The following PRSS56 variants were observed in gnomAD, a reference collection of about 807,000 sequenced individuals.
The protein encoded by PRSS56 is protease, serine 56.
Under a neutral mutation model 66.8 loss-of-function variants are expected in PRSS56, and 55 were observed. That is an observed-to-expected ratio of 0.82 (90% CI 0.66 to 1.03). The LOEUF (loss-of-function observed/expected upper bound fraction) is 1.03, where lower values mean the gene tolerates loss of function less well. Ranked by LOEUF, PRSS56 falls within the 50% of genes least tolerant of loss-of-function variation. The probability of loss-of-function intolerance (pLI) is 0.00; values close to 1 mark genes in which losing one functional copy is unlikely to be tolerated. For synonymous variants in PRSS56, 409 were observed against 387.9 expected (o/e 1.05, Z -0.64); for missense variants, 869 against 837.2 (o/e 1.04, Z -0.47).
chr2:232,521,714 C>T lies in PRSS56; in HGVS notation c.206-102C>T, dbSNP rs1227179487. The stretch of plus-strand genomic sequence containing the variant: ...AATAGAACCCGTGTGGGCTGGAGGG[C>T]TGAGCGCGAAAGGAGAGATGGGGAG... On this transcript the variant is annotated intron_variant, in intron 2 of 12. Coordinates refer to ENST00000617714, the MANE Select transcript of PRSS56 (RefSeq NM_001195129.2). 6 of 1,191,550 alleles carry T rather than the reference C, an allele frequency of 5.0e-6. No individual in the cohort carries two copies. The African/African-American group carries it at 7.6e-5, about 15-fold the overall frequency. The allele number at this position is 1,191,550 out of a possible 1,614,324, so 73.8% of individuals were successfully genotyped here.
At chr2:232,524,942 G>A in intron 12 of PRSS56, 98 bp downstream of exon 12, 1 of 1,053,174 alleles carries the variant, frequency 9.5e-7, no homozygotes, top group East Asian at 2.6e-5. Flanking sequence ...TACCCTCCCA[G>A]CAGCCTGGGG....
rs1691350485 is a variant in PRSS56 at position 232,524,168 on chromosome 2, C to T, written c.1316C>T (p.Pro439Leu). The stretch of plus-strand genomic sequence containing the variant: ...CCCGCTCCAGCGCTCAGGGAGTCTC[C>T]TCTGCACCCCGCCCGGGAGCTGCGG... ...ALPAPALRES[P>L]LHPARELRLH... The change falls in exon 10 of 13, where the codon CCT becomes CTT. Residue 439 changes from proline (P) to leucine (L), a missense_variant. By Grantham distance (98) the Pro-to-Leu change is moderately conservative. Transcript: ENST00000617714. The T allele has an allele frequency of 2.6e-6, 4 of 1,528,112 alleles. No individual in the cohort carries two copies. The highest frequency in any genetic ancestry group is 3.5e-6 in the Non-Finnish European group (4 of 1,142,826). The allele number at this position is 1,528,112 out of a possible 1,614,324, so 94.7% of individuals were successfully genotyped here. A position where few individuals can be genotyped will look rare whatever the true frequency, so the allele number is the denominator to read the frequency against.
chr2:232,523,329 C>T, intron 7 of PRSS56, 87 bp from the exon 8 acceptor site: 1 of 1,423,052 alleles, frequency 7.0e-7, no homozygotes, highest in Non-Finnish European at 9.2e-7. Flanking sequence ...CTAAAATGGA[C>T]ACAAGTGGCA....
Position 232,522,873 on chromosome 2 carries a change from G to C in PRSS56, c.706+12G>C, listed in dbSNP as rs889757875. On this transcript the variant is annotated intron_variant, in intron 6 of 12. Coordinates refer to ENST00000617714, the MANE Select transcript of PRSS56 (RefSeq NM_001195129.2). Reference sequence around the variant, plus strand: ...CGCCCTCTTCGAAGGTACTGGGCGTGGGTGAGCCGGCGCGTGGTGGGAAGA... The same window carrying C: ...CGCCCTCTTCGAAGGTACTGGGCGTCGGTGAGCCGGCGCGTGGTGGGAAGA... 2.8e-5 allele frequency: 41 copies of C among 1,452,156 alleles called. 1 individual carries two copies. Among genetic ancestry groups the C allele is most frequent in the Non-Finnish European group, 3.4e-5 (38 of 1,103,662 alleles). The allele number at this position is 1,452,156 out of a possible 1,614,324, so 90.0% of individuals were successfully genotyped here.
In PRSS56 at chr2:232,524,787, G is replaced by C. The variant is rs774771063; in HGVS notation, c.1464G>C (p.Gly488=). The C allele has an allele frequency of 8.5e-6, 13 of 1,534,284 alleles. No individual in the cohort carries two copies. In the South Asian group the frequency reaches 1.5e-4, roughly 18 times the overall value. ...PLRQKLAALQ[G]AHAWILQVPS... ...GACAGAAGTTGGCTGCCCTGCAGGG[G>C]GCCCATGCCTGGATCCTGCAGGTCC... Residue 488 remains glycine (G), a synonymous_variant, in exon 12 of 13, where the codon GGG becomes GGC. Transcript: ENST00000617714.
At position 232,524,057 on chromosome 2, in the gene PRSS56, A is replaced by T; in HGVS notation, c.1205A>T (p.His402Leu). Residue 402 changes from histidine to leucine, a missense_variant, in exon 10 of 13, where the codon CAC becomes CTC. By Grantham distance (99) the His-to-Leu change is moderately conservative. This residue lies in a region of PRSS56 where 551 missense variants were observed against 506.9 expected (regional missense o/e 1.09). Transcript: ENST00000617714. The part of the protein sequence containing the change: ...RRRCELRSLA[H>L]TLLGLLRNAQ... ...TCCGCAGAGCTGCGCTCGCTGGCGCACACGCTGCTGGGCCTGCTGCGGAAC... is the reference window on the plus strand; with the variant it reads ...TCCGCAGAGCTGCGCTCGCTGGCGCTCACGCTGCTGGGCCTGCTGCGGAAC... 1.3e-6 allele frequency: 2 copies of T among 1,524,570 alleles called. No homozygotes were observed. Among genetic ancestry groups the T allele is most frequent in the South Asian group, 1.2e-5 (1 of 83,208 alleles). The allele number at this position is 1,524,570 out of a possible 1,614,324, so 94.4% of individuals were successfully genotyped here.
intron 2 of PRSS56, 67 bp from the exon 3 acceptor site, chr2:232,521,749 C>G (rs1322057494): frequency 6.8e-7 from 1 of 1,466,320 alleles, no homozygotes. Context: ...GAGAGAGGCT[C>G]GGCCCAGCCT....
At chr2:232,522,296 C>A (rs926182368) in intron 4 of PRSS56, 136 bp downstream of exon 4, 1 of 954,484 alleles carries the variant, frequency 1.0e-6, no homozygotes, top group Non-Finnish European at 1.4e-6. Context: ...CGGGCTTCCC[C>A]ATCTCAAGGC....
chr2:232,525,280 T>C lies in PRSS56; in HGVS notation c.1586T>C (p.Leu529Ser), dbSNP rs996747702. ...TTCAGAGCCTGGGTGCGGGCAGGCT[T>C]GGGGGGCCGGCATGTGGCCTTCAGC... is the stretch of plus-strand genomic sequence containing the variant. ...GLFRAWVRAG[L>S]GGRHVAFSGL... Residue 529 changes from leucine to serine, a missense_variant, in exon 13 of 13, where the codon TTG becomes TCG. Physicochemically the swap from Leu to Ser is moderately radical, Grantham distance 145. Transcript: ENST00000617714. 2.6e-6 allele frequency: 4 copies of C among 1,521,958 alleles called. No homozygotes were observed. The highest frequency in any genetic ancestry group is 4.9e-5 in the East Asian group (2 of 40,586). 94.3% of individuals were successfully genotyped at this position (1,521,958 alleles called of 1,614,324 possible). A position where few individuals can be genotyped will look rare whatever the true frequency, so the allele number is the denominator to read the frequency against.
chr2:232,521,276 G>A (rs1282213261), intron 1 of PRSS56, 45 bp from the exon 2 acceptor site: 7 of 1,437,404 alleles, frequency 4.9e-6, no homozygotes. Flanking sequence ...TGAGGCTGAG[G>A]CTCTTCCCCA....
In PRSS56 at chr2:232,521,409, C is replaced by A; in HGVS notation, c.186C>A (p.His62Gln). Residue 62 changes from histidine (H) to glutamine (Q), a missense_variant, in exon 2 of 13, where the codon CAC (histidine) becomes CAA (glutamine). His to Gln is a conservative substitution (Grantham distance 24). Around this residue, in one of 3 missense-constraint regions of PRSS56, gnomAD observed 315 missense variants for 313.7 expected, o/e 1.00. Transcript: ENST00000617714. ...AINRVAMEIQ[H>Q]RSHECRGSGR... ...ACCGAGTGGCGATGGAGATCCAGCA[C>A]AGATCGCACGAGTGCCGAGGTGCCC... 1 of 1,536,108 alleles carries A rather than the reference C, an allele frequency of 6.5e-7. No individual in the cohort carries two copies. The highest frequency in any genetic ancestry group is 8.7e-7 in the Non-Finnish European group (1 of 1,146,860).
Position 232,525,647 on chromosome 2 carries a change from C to A in PRSS56, c.*141C>A. 1 of 595,488 alleles carries A rather than the reference C, an allele frequency of 1.7e-6. No individual in the cohort carries two copies. The highest frequency in any genetic ancestry group is 2.7e-6 in the Non-Finnish European group (1 of 365,216). 36.9% of individuals were successfully genotyped at this position (595,488 alleles called of 1,614,324 possible). On this transcript the variant is annotated 3_prime_UTR_variant, in exon 13 of 13. Transcript: ENST00000617714. ...GATGGGGTGGGGGTCCTGGGCCCCC[C>A]GTGTCTTCCCAGGTTTACAATCAGA... is the stretch of plus-strand genomic sequence containing the variant.
chr2:232,524,477 A>AG, intron 11 of PRSS56, 108 bp downstream of exon 11: 1 of 1,084,952 alleles, frequency 9.2e-7, no homozygotes, highest in Admixed American at 2.6e-5. Flanking sequence ...ATGGGGCAAC[A>AG]GGGTGGACTC....
rs1304484376 is a variant in PRSS56 at position 232,522,768 on chromosome 2, G to T, written c.613G>T (p.Gly205Ter). The T allele has an allele frequency of 2.6e-6, 4 of 1,526,748 alleles. No homozygotes were observed. Among genetic ancestry groups the T allele is most frequent in the Non-Finnish European group, 3.5e-6 (4 of 1,140,334 alleles). The allele number at this position is 1,526,748 out of a possible 1,614,324, so 94.6% of individuals were successfully genotyped here. A position where few individuals can be genotyped will look rare whatever the true frequency, so the allele number is the denominator to read the frequency against. The change falls in exon 6 of 13, where the codon GGA (glycine) becomes TGA (stop). Residue 205 changes from glycine (G) to a stop codon, truncating the protein, a stop_gained. Transcript: ENST00000617714. LOFTEE classifies it high-confidence loss of function. Reference protein sequence around the residue: ...VQLWTPVSPGGSARPVCLPQE... With the variant: ...VQLWTPVSPG ...GCTGTGGACGCCGGTGAGCCCGGGG[G>T]GATCGGCGCGCCCCGTGTGCCTGCC...
chr2:232,523,648 A>G lies in PRSS56; in HGVS notation c.1012+70A>G, dbSNP rs1553572830. ...ACAACCGTGGGACAAGCCCGTTTCC[A>G]CCCGGCCCATGCCCATTCCCAGCTC... is the stretch of plus-strand genomic sequence containing the variant. On this transcript the variant is annotated intron_variant, in intron 8 of 12. Coordinates refer to ENST00000617714, the MANE Select transcript of PRSS56 (RefSeq NM_001195129.2). 10 of 1,504,924 alleles carry G rather than the reference A, an allele frequency of 6.6e-6. No individual in the cohort carries two copies. In the South Asian group the frequency reaches 1.3e-4, roughly 19 times the overall value. The allele number at this position is 1,504,924 out of a possible 1,614,324, so 93.2% of individuals were successfully genotyped here.
chr2:232,522,140 G>T lies in PRSS56; in HGVS notation c.426G>T (p.Thr142=), dbSNP rs1005242029. The part of the protein sequence containing the change: ...GVLVAASWVL[T]AAHCFVGAPN... ...TGGTAGCGGCCTCCTGGGTGCTCAC[G>T]GCAGCGCACTGCTTTGTAGGGTAAG... Residue 142 remains threonine (T), a synonymous_variant, in exon 4 of 13, where the codon ACG becomes ACT. Transcript: ENST00000617714. 4 of 1,515,910 alleles carry T rather than the reference G, an allele frequency of 2.6e-6. No homozygotes were observed. The highest frequency in any genetic ancestry group is 4.1e-5 in the Admixed American group (2 of 49,120). The allele number at this position is 1,515,910 out of a possible 1,614,324, so 93.9% of individuals were successfully genotyped here. A position where few individuals can be genotyped will look rare whatever the true frequency, so the allele number is the denominator to read the frequency against.
rs1691359164 is a variant in PRSS56 at position 232,524,308 on chromosome 2, A to T, written c.1353A>T (p.Gly451=). ...TACCCTAACCCTGTGCCTCCCCAGG[A>T]TCGCGGGCTGCAGGCACTCGGTTCC... ...HPARELRLHS[G]SRAAGTRFPK... The change falls in exon 11 of 13, where the codon GGA becomes GGT. Residue 451 remains glycine (G), a splice_region_variant and synonymous_variant. Transcript: ENST00000617714. 2 of 1,535,606 alleles carry T rather than the reference A, an allele frequency of 1.3e-6. No individual in the cohort carries two copies. The highest frequency in any genetic ancestry group is 2.0e-5 in the Admixed American group (1 of 50,970).
At chr2:232,522,472 T>A in intron 4 of PRSS56, 43 bp from the exon 5 acceptor site, 1 of 1,470,108 alleles carries the variant, frequency 6.8e-7, no homozygotes, top group South Asian at 1.3e-5. Context: ...CTGCGGGGTG[T>A]GCCCCTGTCC....
Position 232,523,769 on chromosome 2 carries a change from C to T in PRSS56, c.1013-3C>T. ...GAGCTGACCCCTGTCCCGCCCGCAGCAGCCTCCTCCAGCCGCGAGCCCAGC... is the reference window on the plus strand; with the variant it reads ...GAGCTGACCCCTGTCCCGCCCGCAGTAGCCTCCTCCAGCCGCGAGCCCAGC... On this transcript the variant is annotated splice_polypyrimidine_tract_variant and splice_region_variant and intron_variant, in intron 8 of 12. Coordinates refer to ENST00000617714, the MANE Select transcript of PRSS56 (RefSeq NM_001195129.2). 1 of 1,533,980 alleles carries T rather than the reference C, an allele frequency of 6.5e-7. No individual in the cohort carries two copies. Among genetic ancestry groups the T allele is most frequent in the Non-Finnish European group, 8.7e-7 (1 of 1,146,712 alleles).
Sources: allele counts gnomAD v4.1 joint callset, GRCh38; gene constraint gnomAD v4.1.1; regional missense constraint gnomAD v4.1.1; transcripts MANE v1.5; gene names NCBI Gene and HGNC (gene_info 2026-07-23, HGNC 2026-07-21).